Variants in SLC16A7 observed in about 807,000 individuals in gnomAD.
SLC16A7 encodes solute carrier family 16 member 7.
SLC16A7 carries 33 observed loss-of-function variants against 34.9 expected under a neutral mutation model. The ratio of observed to expected loss-of-function variants is 0.94; its 90% CI spans 0.72 to 1.26. The LOEUF is 1.26. Among genes scored for constraint, SLC16A7 ranks in the 50% most tolerant of loss-of-function variants. SLC16A7 has a pLI of 0.00. For synonymous variants in SLC16A7, 201 were observed against 206.6 expected (o/e 0.97, Z 0.23); for missense variants, 573 against 578.1 (o/e 0.99, Z 0.09).
At chr12:59,708,804 C>T (rs1369894698) in intron 3 of SLC16A7, among the ~76,000 whole-genome samples, 1 of 151,472 alleles carries the variant, frequency 6.6e-6, no homozygotes, top group Non-Finnish European at 1.5e-5. Context: ...CTTCTGATGT[C>T]TGAATTAAAA....
At chr12:59,707,178 T>C (rs1193687559) in intron 3 of SLC16A7, among the ~76,000 whole-genome samples, 1 of 152,092 alleles carries the variant, frequency 6.6e-6, no homozygotes, top group Non-Finnish European at 1.5e-5. Context: ...GTACATATTC[T>C]ATTGATCAGA....
At chr12:59,758,188 TATACC>T (rs1252077581) in intron 3 of SLC16A7, among the ~76,000 whole-genome samples, 1 of 152,104 alleles carries the variant, frequency 6.6e-6, no homozygotes, top group Non-Finnish European at 1.5e-5. Context: ...AGAAAAAAAC[TATACC>T]ATGCTTTACT....
At chr12:59,636,170 A>T (rs1291517285) in intron 1 of SLC16A7, among the ~76,000 whole-genome samples, 1 of 152,122 alleles carries the variant, frequency 6.6e-6, no homozygotes, top group East Asian at 1.9e-4. Context: ...TAGGTTCTAA[A>T]TTAATACCTG....
chr12:59,693,484 G>A (rs1404053603), intron 2 of SLC16A7, among the ~76,000 whole-genome samples: 5 of 151,706 alleles, frequency 3.3e-5, no homozygotes, highest in African/African-American at 1.2e-4. Context: ...TAATCAACCC[G>A]TATTGATTCT....
At chr12:59,722,344 A>T (rs1875703458) in intron 3 of SLC16A7, among the ~76,000 whole-genome samples, 1 of 151,856 alleles carries the variant, frequency 6.6e-6, no homozygotes, top group Non-Finnish European at 1.5e-5. Context: ...TACCTGGCCC[A>T]AGGTATTATT....
chr12:59,695,111 G>A (rs551700091), intron 2 of SLC16A7, among the ~76,000 whole-genome samples: 1 of 151,674 alleles, frequency 6.6e-6, no homozygotes, highest in African/African-American at 2.4e-5. Context: ...TATTTTCTTG[G>A]AGGGCTGCCA....
At chr12:59,690,040 G>C (rs963765942) in intron 2 of SLC16A7, among the ~76,000 whole-genome samples, 3 of 151,930 alleles carry the variant, frequency 2.0e-5, no homozygotes, top group Non-Finnish European at 4.4e-5. Flanking sequence ...TTCCTAGAAA[G>C]GATTCTGTGG....
At chr12:59,747,229 C>T (rs182219235) in intron 3 of SLC16A7, among the ~76,000 whole-genome samples, 1 of 152,052 alleles carries the variant, frequency 6.6e-6, no homozygotes, top group Non-Finnish European at 1.5e-5. Context: ...GAAAGAAAGG[C>T]ATTAAAAATT....
intron 1 of SLC16A7, among the ~76,000 whole-genome samples, chr12:59,615,838 A>C (rs535730941): frequency 6.6e-6 from 1 of 152,314 alleles, no homozygotes; most frequent in East Asian, 1.9e-4. Context: ...TACTAACTCC[A>C]AAGTGCCAGG....
rs775551001 is a variant in SLC16A7 at position 59,705,043 on chromosome 12, T to C, written c.217+25T>C. 7 of 1,471,460 alleles carry C rather than the reference T, an allele frequency of 4.8e-6. No homozygotes were observed. In the East Asian group the frequency reaches 1.6e-4, roughly 33 times the overall value. The allele number at this position is 1,471,460 out of a possible 1,614,324, so 91.2% of individuals were successfully genotyped here. A position where few individuals can be genotyped will look rare whatever the true frequency, so the allele number is the denominator to read the frequency against. On this transcript the variant is annotated intron_variant, in intron 3 of 5. Transcript: ENST00000547379. Reference sequence around the variant, plus strand: ...GGTAAGCTTCTTGCAATAAATAGAATCCTGAATTAAGAAAATAATTCCTCC... The same window carrying C: ...GGTAAGCTTCTTGCAATAAATAGAACCCTGAATTAAGAAAATAATTCCTCC...
chr12:59,759,718 T>G (rs1240665022), intron 3 of SLC16A7, among the ~76,000 whole-genome samples: 1 of 152,004 alleles, frequency 6.6e-6, no homozygotes, highest in Non-Finnish European at 1.5e-5. Context: ...AATATTTTAT[T>G]TCAGAATGCT....
intron 1 of SLC16A7, among the ~76,000 whole-genome samples, chr12:59,631,543 T>C (rs890691469): frequency 6.6e-6 from 1 of 152,028 alleles, no homozygotes; most frequent in Non-Finnish European, 1.5e-5. Context: ...TTTGTAAATT[T>C]TTATTTCATT....
chr12:59,676,581 T>C (rs1351129450), intron 2 of SLC16A7, among the ~76,000 whole-genome samples: 3 of 152,118 alleles, frequency 2.0e-5, no homozygotes, highest in Admixed American at 2.0e-4. Flanking sequence ...ACTAACAAAG[T>C]TTAATTTCTG....
chr12:59,607,885 C>G (rs1205076629), intron 1 of SLC16A7, among the ~76,000 whole-genome samples: 1 of 152,072 alleles, frequency 6.6e-6, no homozygotes, highest in Non-Finnish European at 1.5e-5. Context: ...GTAAGTAGAT[C>G]CTCTTTATCC....
chr12:59,752,049 G>C (rs1347096563), intron 3 of SLC16A7, among the ~76,000 whole-genome samples: 1 of 152,178 alleles, frequency 6.6e-6, no homozygotes, highest in African/African-American at 2.4e-5. Context: ...TGAGGGTCCT[G>C]TCTGTTAGAA....
intron 5 of SLC16A7, among the ~76,000 whole-genome samples, chr12:59,777,061 G>T (rs1364809736): frequency 6.6e-6 from 1 of 152,094 alleles, no homozygotes; most frequent in South Asian, 2.1e-4. Flanking sequence ...ACATAGTGGG[G>T]ATAGACTCTA....
Position 59,779,577 on chromosome 12 carries a change from C to T in SLC16A7, c.1335C>T (p.Thr445=). 2 of 1,612,328 alleles carry T rather than the reference C, an allele frequency of 1.2e-6. No individual in the cohort carries two copies. Among genetic ancestry groups the T allele is most frequent in the Non-Finnish European group, 1.7e-6 (2 of 1,178,908 alleles). ...ERKEENARQK[T]RESEPLSKSK... is the part of the protein sequence containing the mutation. ...AGGAGGAAAATGCAAGGCAGAAGACCAGAGAATCTGAACCCTTGAGCAAAT... is the reference window on the plus strand; with the variant it reads ...AGGAGGAAAATGCAAGGCAGAAGACTAGAGAATCTGAACCCTTGAGCAAAT... Residue 445 remains threonine (T), a synonymous_variant, in exon 6 of 6, where the codon ACC becomes ACT. Coordinates refer to ENST00000547379, the MANE Select transcript of SLC16A7 (RefSeq NM_001270623.2).
intron 1 of SLC16A7, among the ~76,000 whole-genome samples, chr12:59,610,218 A>G (rs1879132822): frequency 6.6e-6 from 1 of 152,238 alleles, no homozygotes; most frequent in East Asian, 1.9e-4. Context: ...TGGTAGCTAA[A>G]AATAAAAATC....
intron 2 of SLC16A7, among the ~76,000 whole-genome samples, chr12:59,685,623 G>A (rs995342): frequency 0.25 from 37,858 of 151,930 alleles, 4,949 homozygotes; most frequent in East Asian, 0.35. Context: ...CCTGCTAGTC[G>A]TATAGTATAA....
Sources: gnomAD v4.1 joint callset for allele counts (sites outside exome capture counted in the v4.1 genomes callset) on GRCh38, gnomAD v4.1.1 for gene constraint, MANE v1.5 for transcripts, NCBI Gene and HGNC (gene_info 2026-07-23, HGNC 2026-07-21) for gene names.